PTPN23: variants seen among roughly 807,000 people sequenced by gnomAD.
PTPN23 encodes the protein protein tyrosine phosphatase non-receptor type 23, also known as tyrosine-protein phosphatase non-receptor type 23.
In PTPN23, 72 loss-of-function variants were observed where a neutral mutation model predicts 156.3. That is an observed-to-expected ratio of 0.46 (90% confidence interval 0.38 to 0.56). The LOEUF is 0.56. Ranked by LOEUF, PTPN23 falls within the 20% of genes least tolerant of loss-of-function variation. The probability of loss-of-function intolerance (pLI) is 0.00; values close to 1 mark genes in which losing one functional copy is unlikely to be tolerated. For synonymous variants in PTPN23, 957 were observed against 899.6 expected (o/e 1.06, Z -1.14); for missense variants, 1,974 against 2,171.5 (o/e 0.91, Z 1.81).
intron 2 of PTPN23, among the ~76,000 whole-genome samples, chr3:47,402,566 C>G (rs889322501): frequency 1.3e-5 from 2 of 152,196 alleles, no homozygotes; most frequent in African/African-American, 4.8e-5. Flanking sequence ...AGGCGTGAGC[C>G]ACCTCGCCCA....
At position 47,410,157 on chromosome 3, in the gene PTPN23, C is replaced by A. The variant is rs765845422; in HGVS notation, c.2359C>A (p.Leu787Ile). 8.9e-5 allele frequency: 142 copies of A among 1,592,080 alleles called. No homozygotes were observed. Among genetic ancestry groups the A allele is most frequent in the Non-Finnish European group, 1.2e-4 (137 of 1,168,006 alleles). The change falls in exon 20 of 25, where the codon CTC (leucine) becomes ATC (isoleucine). Residue 787 changes from leucine (L) to isoleucine (I), a missense_variant. Around this residue, in one of 4 missense-constraint regions of PTPN23, gnomAD observed 731 missense variants for 669.1 expected, o/e 1.09. Coordinates refer to ENST00000265562, the MANE Select transcript of PTPN23 (RefSeq NM_015466.4). ...CTCCACAGGCCCAGGACCCCACTAT[C>A]TCTCAGGCCCCTTGCCCCCTGGTAC... ...PSSTGPGPHY[L>I]SGPLPPGTYS... is the part of the protein sequence containing the mutation.
intron 2 of PTPN23, among the ~76,000 whole-genome samples, chr3:47,397,758 C>T (rs1267309224): frequency 6.6e-6 from 1 of 152,158 alleles, no homozygotes; most frequent in Non-Finnish European, 1.5e-5. Context: ...CAACCTCTAC[C>T]TCCCAGGTTC....
At position 47,409,264 on chromosome 3, in the gene PTPN23, C is replaced by G; in HGVS notation, c.1744C>G (p.Gln582Glu). The G allele has an allele frequency of 6.2e-7, 1 of 1,614,136 alleles. No individual in the cohort carries two copies. The change falls in exon 17 of 25, where the codon CAG becomes GAG. Residue 582 changes from glutamine (Q) to glutamate (E), a missense_variant. Gln to Glu is a conservative substitution (Grantham distance 29, BLOSUM62 2). This residue lies in a region of PTPN23 where 726 missense variants were observed against 929.5 expected (regional missense o/e 0.78). Transcript: ENST00000265562. ...GGAGCAGCAGCTGCGTGAGCTTATCCAGAAAGATGACATCACTGCCTCGCT... is the reference window on the plus strand; with the variant it reads ...GGAGCAGCAGCTGCGTGAGCTTATCGAGAAAGATGACATCACTGCCTCGCT... ...SLEQQLRELI[Q>E]KDDITASLVT...
At chr3:47,392,838 C>T (rs1704802378) in intron 1 of PTPN23, among the ~76,000 whole-genome samples, 1 of 151,970 alleles carries the variant, frequency 6.6e-6, no homozygotes, top group South Asian at 2.1e-4. Context: ...TCAGTGCTCA[C>T]CCAAATTCTC....
intron 1 of PTPN23, among the ~76,000 whole-genome samples, chr3:47,391,489 A>G (rs1704772580): frequency 6.6e-6 from 1 of 152,200 alleles, no homozygotes; most frequent in South Asian, 2.1e-4. Context: ...TGGAGTGATT[A>G]CTAGGCACTC....
At chr3:47,402,468 C>T (rs1025175226) in intron 2 of PTPN23, among the ~76,000 whole-genome samples, 3 of 152,022 alleles carry the variant, frequency 2.0e-5, no homozygotes, top group Admixed American at 6.6e-5. Flanking sequence ...TTAGTAGATA[C>T]GGGGTTTCAC....
At chr3:47,386,559 C>T (rs774308156) in intron 1 of PTPN23, among the ~76,000 whole-genome samples, 52 of 152,284 alleles carry the variant, frequency 3.4e-4, no homozygotes, top group Non-Finnish European at 6.2e-4. Context: ...ATTTTTTCCC[C>T]TTCCAGATTT....
chr3:47,394,464 C>A (rs1050094462), intron 1 of PTPN23, among the ~76,000 whole-genome samples: 1 of 152,178 alleles, frequency 6.6e-6, no homozygotes, highest in African/African-American at 2.4e-5. Context: ...CTGGTTGTCC[C>A]TGGGAGGTGC....
Position 47,412,492 on chromosome 3 carries a change from C to G in PTPN23, c.4318-22C>G. ...GGTGACGGGCCCCTGCCCAGCTGAC[C>G]TGGCCAAATGCACCTGTGCAGCTGC... is the stretch of plus-strand genomic sequence containing the variant. On this transcript the variant is annotated intron_variant, in intron 23 of 24. Transcript: ENST00000265562. 2.5e-6 allele frequency: 4 copies of G among 1,612,170 alleles called. No individual in the cohort carries two copies. The South Asian group carries it at 4.4e-5, about 18-fold the overall frequency.
intron 2 of PTPN23, 50 bp from the exon 3 acceptor site, chr3:47,404,602 T>C: frequency 6.3e-7 from 1 of 1,599,842 alleles, no homozygotes; most frequent in East Asian, 2.2e-5. Flanking sequence ...GGCCTGCGTG[T>C]CCACTGCCCC....
Position 47,388,928 on chromosome 3 carries a change from G to A in PTPN23, c.85-7215G>A, listed in dbSNP as rs148475230. 8.5e-3 allele frequency among the ~76,000 whole-genome samples: 1,295 copies of A among 152,146 alleles called. 19 individuals carry two copies. Among genetic ancestry groups the A allele is most frequent in the African/African-American group, 0.03 (1,236 of 41,504 alleles). ...GATCCACCCGCCTTGGCCTCCCAAA[G>A]TGCTGCGATTGCAGGTGTGAGCCAC... On this transcript the variant is annotated intron_variant, in intron 1 of 24. Coordinates refer to ENST00000265562, the MANE Select transcript of PTPN23 (RefSeq NM_015466.4).
chr3:47,412,641 C>T lies in PTPN23; in HGVS notation c.4431+14C>T, dbSNP rs767559513. ...ATCAGCCAGAAGGTGAGGAAGGTTC[C>T]GTGGAAGCTGCTGGGAGAGCCACAG... On this transcript the variant is annotated intron_variant, in intron 24 of 24. Coordinates refer to ENST00000265562, the MANE Select transcript of PTPN23 (RefSeq NM_015466.4). 9.1e-5 allele frequency: 147 copies of T among 1,609,936 alleles called. No individual in the cohort carries two copies. The highest frequency in any genetic ancestry group is 7.1e-4 in the South Asian group (64 of 90,620).
In PTPN23 at chr3:47,407,934, A is replaced by T. The variant is rs774040934; in HGVS notation, c.1163A>T (p.Glu388Val). Residue 388 changes from glutamate (E) to valine (V), a missense_variant, in exon 14 of 25, where the codon GAG becomes GTG. Glu to Val is a moderately radical substitution (Grantham distance 121). Around this residue, in one of 4 missense-constraint regions of PTPN23, gnomAD observed 726 missense variants for 929.5 expected, o/e 0.78. Transcript: ENST00000265562. The surrounding 1 kb of genome is among the most constrained non-coding windows in gnomAD (Gnocchi z 4.0). ...KLLREMMAKI[E>V]DKNEVLDQFM... ...CTCCGGGAGATGATGGCCAAGATTGAGGACAAGAATGAGGTCCTGGAGTGA... is the reference window on the plus strand; with the variant it reads ...CTCCGGGAGATGATGGCCAAGATTGTGGACAAGAATGAGGTCCTGGAGTGA... The T allele has an allele frequency of 2.5e-6, 4 of 1,613,900 alleles. No homozygotes were observed. The African/African-American group carries it at 5.3e-5, about 22-fold the overall frequency.
Position 47,411,072 on chromosome 3 carries a change from C to G in PTPN23, c.3274C>G (p.Pro1092Ala), listed in dbSNP as rs1372041670. ...CCTGGTGCCTTCACCTGCCCCATCT[C>G]CAGGGCCTGGTCCGGTACCCCCTCG... ...PHLVPSPAPSPGPGPVPPRPP... is the reference protein window; with the variant it reads ...PHLVPSPAPSAGPGPVPPRPP... Residue 1092 changes from proline to alanine, a missense_variant, in exon 20 of 25, where the codon CCA (proline) becomes GCA (alanine). Around this residue, in one of 4 missense-constraint regions of PTPN23, gnomAD observed 731 missense variants for 669.1 expected, o/e 1.09. Coordinates refer to ENST00000265562, the MANE Select transcript of PTPN23 (RefSeq NM_015466.4). This position sits in a 1 kb window ranked among gnomAD's most constrained non-coding sequence, Gnocchi z 6.3. The G allele has an allele frequency of 6.3e-7, 1 of 1,587,174 alleles. No homozygotes were observed. The highest frequency in any genetic ancestry group is 1.3e-5 in the African/African-American group (1 of 74,424).
intron 2 of PTPN23, among the ~76,000 whole-genome samples, chr3:47,398,156 C>T (rs906950520): frequency 6.6e-6 from 1 of 152,108 alleles, no homozygotes; most frequent in East Asian, 1.9e-4. Flanking sequence ...ATTAGTCGGG[C>T]ATGGTAGCAG....
intron 1 of PTPN23, among the ~76,000 whole-genome samples, chr3:47,388,413 G>A (rs985180312): frequency 6.6e-6 from 1 of 151,692 alleles, no homozygotes; most frequent in Non-Finnish European, 1.5e-5. Flanking sequence ...ACTGTGTTGC[G>A]CAGGCTGGTC....
chr3:47,407,018 T>C lies in PTPN23; in HGVS notation c.808-112T>C. On this transcript the variant is annotated intron_variant, in intron 9 of 24. Transcript: ENST00000265562. This position sits in a 1 kb window ranked among gnomAD's most constrained non-coding sequence, Gnocchi z 4.0. ...GCTGTTGGCTGGGGTGGTGCCCGGCTGCCTCCTGAGCTGCTTGTCATCTGA... is the reference window on the plus strand; with the variant it reads ...GCTGTTGGCTGGGGTGGTGCCCGGCCGCCTCCTGAGCTGCTTGTCATCTGA... 7.1e-7 allele frequency: 1 copy of C among 1,410,140 alleles called. No individual in the cohort carries two copies. The highest frequency in any genetic ancestry group is 9.8e-7 in the Non-Finnish European group (1 of 1,015,308). 87.4% of individuals were successfully genotyped at this position (1,410,140 alleles called of 1,614,324 possible). A position where few individuals can be genotyped will look rare whatever the true frequency, so the allele number is the denominator to read the frequency against.
chr3:47,409,868 G>A (rs773805758), intron 19 of PTPN23, 34 bp downstream of exon 19: 1 of 1,596,230 alleles, frequency 6.3e-7, no homozygotes, highest in South Asian at 1.1e-5. Context: ...GTGCGGCTCG[G>A]GTCCAGACAG....
chr3:47,405,685 C>G lies in PTPN23; in HGVS notation c.365-64C>G. 6.6e-7 allele frequency: 1 copy of G among 1,519,816 alleles called. No homozygotes were observed. 94.1% of individuals were successfully genotyped at this position (1,519,816 alleles called of 1,614,324 possible). A position where few individuals can be genotyped will look rare whatever the true frequency, so the allele number is the denominator to read the frequency against. On this transcript the variant is annotated intron_variant, in intron 4 of 24. Transcript: ENST00000265562. The surrounding 1 kb of genome is among the most constrained non-coding windows in gnomAD (Gnocchi z 4.7). The stretch of plus-strand genomic sequence containing the variant: ...ATTGTGGATAACAGCAGTGCCCCCT[C>G]TGTCTCACCTTCACATGGGTGTGAG...
Sources: allele counts gnomAD v4.1 joint callset (sites outside exome capture counted in the v4.1 genomes callset), GRCh38; gene constraint gnomAD v4.1.1; regional missense constraint gnomAD v4.1.1; non-coding constraint Gnocchi (gnomAD v3.1); transcripts MANE v1.5; gene names NCBI Gene and HGNC (gene_info 2026-07-23, HGNC 2026-07-21).